Variants in ERLEC1 observed in about 807,000 individuals in gnomAD.
ERLEC1 encodes endoplasmic reticulum lectin 1.
Under a neutral mutation model 68.0 loss-of-function variants are expected in ERLEC1, and 47 were observed. The observed-to-expected ratio is 0.69, with a 90% confidence interval of 0.55 to 0.88. The LOEUF (loss-of-function observed/expected upper bound fraction) is 0.88. Ranked by LOEUF, ERLEC1 falls within the 40% of genes least tolerant of loss-of-function variation. The probability of loss-of-function intolerance (pLI) is 0.00; values close to 1 mark genes in which losing one functional copy is unlikely to be tolerated. For synonymous variants in ERLEC1, 225 were observed against 203.2 expected (o/e 1.11, Z -0.91); for missense variants, 567 against 583.8 (o/e 0.97, Z 0.30).
At chr2:53,811,376 A>C (rs1292805534) in intron 10 of ERLEC1, among the ~76,000 whole-genome samples, 2 of 152,210 alleles carry the variant, frequency 1.3e-5, no homozygotes, top group Non-Finnish European at 2.9e-5. Flanking sequence ...AAGTATCTGC[A>C]TACTGGAAAA....
At position 53,787,382 on chromosome 2, in the gene ERLEC1, C is replaced by T; in HGVS notation, c.162+10C>T. The T allele has an allele frequency of 6.2e-7, 1 of 1,600,216 alleles. No individual in the cohort carries two copies. The highest frequency in any genetic ancestry group is 8.5e-7 in the Non-Finnish European group (1 of 1,172,740). ...CACCGAGTTCTCTCTGGTCAGTGCC[C>T]TCACTAACCCCGCAGCCACCCCTCC... On this transcript the variant is annotated intron_variant, in intron 1 of 13. Transcript: ENST00000185150.
rs761766692 is a variant in ERLEC1 at position 53,799,099 on chromosome 2, AT to A, written c.525+25del. 7 of 1,608,474 alleles carry A rather than the reference AT, an allele frequency of 4.4e-6. No individual in the cohort carries two copies. Among genetic ancestry groups the A allele is most frequent in the Admixed American group, 1.7e-5 (1 of 59,658 alleles). ...CAAATGAGGCAAGTGACAGATGTTG[AT>A]TTTTTTCCTCTTAACACTTATTGTT... On this transcript the variant is annotated intron_variant, in intron 6 of 13. Transcript: ENST00000185150.
At chr2:53,814,644 C>CT (rs755873766) in intron 12 of ERLEC1, 24 bp downstream of exon 12, 1 of 1,551,368 alleles carries the variant, frequency 6.4e-7, no homozygotes, top group South Asian at 1.1e-5. Context: ...TCAAATCATG[C>CT]TGTATGCCTT....
At chr2:53,806,153 T>A (rs1036001600) in intron 8 of ERLEC1, among the ~76,000 whole-genome samples, 4 of 152,058 alleles carry the variant, frequency 2.6e-5, no homozygotes, top group South Asian at 2.1e-4. Context: ...GCTATCAGAG[T>A]TTTGGTTTGA....
At chr2:53,802,405 TTATCTC>T (rs2104306706) in intron 8 of ERLEC1, among the ~76,000 whole-genome samples, 1 of 152,318 alleles carries the variant, frequency 6.6e-6, no homozygotes, top group East Asian at 1.9e-4. Flanking sequence ...ATCTCTTCAT[TTATCTC>T]TAACTCTAAT....
chr2:53,809,784 A>C (rs1005637768), intron 10 of ERLEC1, among the ~76,000 whole-genome samples: 5 of 152,248 alleles, frequency 3.3e-5, no homozygotes, highest in African/African-American at 9.6e-5. Context: ...GGCCGGGCAC[A>C]GTGGCTCACG....
chr2:53,810,926 T>G (rs955907394), intron 10 of ERLEC1, among the ~76,000 whole-genome samples: 10 of 84,242 alleles, frequency 1.2e-4, no homozygotes, highest in Non-Finnish European at 2.5e-4. Context: ...AGTTTCTTAA[T>G]TAAAGAAATG....
chr2:53,809,236 A>C lies in ERLEC1; in HGVS notation c.1064A>C (p.Glu355Ala), dbSNP rs1397267833. ...TAGGGTGTCGGTTGGTGGAAATATGAATTCTGCTATGGCAAACATGTACAT... is the reference window on the plus strand; with the variant it reads ...TAGGGTGTCGGTTGGTGGAAATATGCATTCTGCTATGGCAAACATGTACAT... ...FRGGVGWWKY[E>A]FCYGKHVHQY... The change falls in exon 10 of 14, where the codon GAA becomes GCA. Residue 355 changes from glutamate to alanine, a missense_variant. Glu to Ala is a moderately radical substitution (Grantham distance 107). Coordinates refer to ENST00000185150, the MANE Select transcript of ERLEC1 (RefSeq NM_015701.5). 1 of 1,583,042 alleles carries C rather than the reference A, an allele frequency of 6.3e-7. No homozygotes were observed. Among genetic ancestry groups the C allele is most frequent in the South Asian group, 1.2e-5 (1 of 83,580 alleles).
At chr2:53,792,065 C>G (rs1275573529) in intron 1 of ERLEC1, among the ~76,000 whole-genome samples, 1 of 151,966 alleles carries the variant, frequency 6.6e-6, no homozygotes, top group Non-Finnish European at 1.5e-5. Context: ...GCGCCCGCCA[C>G]CACGGCCGGC....
At position 53,787,176 on chromosome 2, in the gene ERLEC1, G is replaced by C. The variant is rs759979830; in HGVS notation, c.-35G>C. The C allele has an allele frequency of 4.4e-6, 7 of 1,575,558 alleles. No individual in the cohort carries two copies. The highest frequency in any genetic ancestry group is 6.0e-6 in the Non-Finnish European group (7 of 1,163,240). The stretch of plus-strand genomic sequence containing the variant: ...CTCCTCTCCTCCTGGAGCAGAGGAG[G>C]TTGTGGCGGTGGCTGGAGAAAGCGG... On this transcript the variant is annotated 5_prime_UTR_variant, in exon 1 of 14. Transcript: ENST00000185150.
intron 6 of ERLEC1, among the ~76,000 whole-genome samples, chr2:53,800,727 T>A (rs1364049595): frequency 6.6e-6 from 1 of 152,272 alleles, no homozygotes; most frequent in East Asian, 1.9e-4. Context: ...AACTTCTTAG[T>A]GATCTTTGTC....
At chr2:53,814,686 T>A (rs1558608285) in intron 12 of ERLEC1, 66 bp downstream of exon 12, 1 of 1,197,290 alleles carries the variant, frequency 8.4e-7, no homozygotes, top group Non-Finnish European at 1.2e-6. Context: ...GGACAAAAGT[T>A]TTATGTAAAC....
intron 8 of ERLEC1, among the ~76,000 whole-genome samples, chr2:53,805,206 A>G (rs1397677307): frequency 1.3e-5 from 2 of 149,152 alleles, no homozygotes; most frequent in African/African-American, 4.9e-5. Context: ...TATTTTTAGT[A>G]GAGATGGGGT....
At chr2:53,804,369 G>C (rs1436665350) in intron 8 of ERLEC1, among the ~76,000 whole-genome samples, 8 of 151,650 alleles carry the variant, frequency 5.3e-5, no homozygotes, top group Non-Finnish European at 1.0e-4. Flanking sequence ...CATCTCCTGG[G>C]TTCAAGTGGT....
intron 10 of ERLEC1, among the ~76,000 whole-genome samples, chr2:53,809,998 C>T (rs1676503701): frequency 6.6e-6 from 1 of 152,128 alleles, no homozygotes; most frequent in African/African-American, 2.4e-5. Context: ...TTGCAGTGAG[C>T]CGAGATCACG....
At chr2:53,790,415 A>G (rs923444548) in intron 1 of ERLEC1, among the ~76,000 whole-genome samples, 2 of 151,618 alleles carry the variant, frequency 1.3e-5, no homozygotes, top group East Asian at 2.0e-4. Flanking sequence ...GGACATTTGT[A>G]TCTAACTAAT....
At chr2:53,810,416 G>A (rs1014119018) in intron 10 of ERLEC1, among the ~76,000 whole-genome samples, 10 of 151,866 alleles carry the variant, frequency 6.6e-5, no homozygotes, top group East Asian at 1.9e-4. Flanking sequence ...ATAACTCACC[G>A]TATTCTCCCA....
intron 8 of ERLEC1, among the ~76,000 whole-genome samples, chr2:53,804,731 C>T (rs1023671530): frequency 5.9e-5 from 9 of 152,116 alleles, no homozygotes; most frequent in African/African-American, 1.9e-4. Flanking sequence ...GTTGTTCTAT[C>T]AAGTAGTAGG....
chr2:53,808,323 G>C lies in ERLEC1; in HGVS notation c.904G>C (p.Glu302Gln). The change falls in exon 9 of 14, where the codon GAG becomes CAG. Residue 302 changes from glutamate (E) to glutamine (Q), a missense_variant. Physicochemically the swap from Glu to Gln is conservative, Grantham distance 29. Transcript: ENST00000185150. ...KEEDLQSTKEERFPAIHKSIA... is the reference protein window; with the variant it reads ...KEEDLQSTKEQRFPAIHKSIA... The stretch of plus-strand genomic sequence containing the variant: ...GGAAGATTTGCAATCAACTAAAGAA[G>C]AGAGATTTCCAGCGATCCACAAGTC... 2 of 1,614,074 alleles carry C rather than the reference G, an allele frequency of 1.2e-6. No homozygotes were observed. Among genetic ancestry groups the C allele is most frequent in the Non-Finnish European group, 1.7e-6 (2 of 1,180,024 alleles).
Sources: gnomAD v4.1 joint callset for allele counts (sites outside exome capture counted in the v4.1 genomes callset) on GRCh38, gnomAD v4.1.1 for gene constraint, MANE v1.5 for transcripts, NCBI Gene and HGNC (gene_info 2026-07-23, HGNC 2026-07-21) for gene names.